Variants in CMTM7 observed in about 807,000 individuals in gnomAD.
CMTM7 encodes the protein CKLF-like MARVEL transmembrane domain-containing protein 7.
A neutral mutation model predicts 19.3 loss-of-function variants in CMTM7; 7 were observed. The observed-to-expected ratio is 0.36, with a 90% CI of 0.21 to 0.68. The LOEUF (loss-of-function observed/expected upper bound fraction) is 0.68. Among genes scored for constraint, CMTM7 ranks in the 30% least tolerant of loss-of-function variants. The pLI is 0.60. For missense variants in CMTM7, 193 were observed against 232.6 expected (o/e 0.83, Z 1.11); for synonymous variants, 87 against 99.3 (o/e 0.88, Z 0.74).
rs925882489 is a variant in CMTM7 at position 32,449,305 on chromosome 3, C to T, written c.334-149C>T. The T allele has an allele frequency of 1.6e-5, 11 of 668,824 alleles. No homozygotes were observed. Among genetic ancestry groups the T allele is most frequent in the East Asian group, 2.6e-5 (1 of 37,948 alleles). The allele number at this position is 668,824 out of a possible 1,614,324, so 41.4% of individuals were successfully genotyped here. On this transcript the variant is annotated intron_variant, in intron 2 of 4. Transcript: ENST00000334983. This position sits in a 1 kb window ranked among gnomAD's most constrained non-coding sequence, Gnocchi z 4.5. ...AGCCCGCATGTTGGCTGCCTGCGAG[C>T]GGCTCTGCTCATCCCATTTGCGTGT...
At chr3:32,406,121 T>C (rs1696087682) in intron 1 of CMTM7, among the ~76,000 whole-genome samples, 1 of 152,206 alleles carries the variant, frequency 6.6e-6, no homozygotes, top group Non-Finnish European at 1.5e-5. Context: ...GCTCTATACT[T>C]TTATTACCTA....
At chr3:32,430,462 A>C (rs1195377558) in intron 1 of CMTM7, among the ~76,000 whole-genome samples, 2 of 152,156 alleles carry the variant, frequency 1.3e-5, no homozygotes, top group Non-Finnish European at 2.9e-5. Flanking sequence ...AATTCGATTC[A>C]ACCCCAGATT....
chr3:32,437,417 T>G (rs1373070229), intron 1 of CMTM7, among the ~76,000 whole-genome samples: 1 of 152,012 alleles, frequency 6.6e-6, no homozygotes, highest in Non-Finnish European at 1.5e-5. Flanking sequence ...ACCAATATGG[T>G]GAAACCCTGT....
At chr3:32,452,246 A>G in intron 3 of CMTM7, 146 bp from the exon 4 acceptor site, 1 of 1,546,800 alleles carries the variant, frequency 6.5e-7, no homozygotes, top group Non-Finnish European at 8.7e-7. Context: ...CTGATCCAGG[A>G]TGAGGTGGTT....
Position 32,419,479 on chromosome 3 carries a change from A to C in CMTM7, c.160-22361A>C, listed in dbSNP as rs550078326. Among the ~76,000 whole-genome samples the C allele has an allele frequency of 6.6e-5, 10 of 152,334 alleles. 1 individual carries two copies. In the South Asian group the frequency reaches 2.1e-3, roughly 32 times the overall value. ...GGGGAAAGCATGCAGTATCTCATCA[A>C]GTATCATGTTAGCTGTGGGTTGGTT... On this transcript the variant is annotated intron_variant, in intron 1 of 4. Transcript: ENST00000334983.
intron 1 of CMTM7, among the ~76,000 whole-genome samples, chr3:32,423,104 T>C (rs939158609): frequency 6.6e-6 from 1 of 152,246 alleles, no homozygotes; most frequent in Non-Finnish European, 1.5e-5. Context: ...GGCTTGCTTC[T>C]GTGGCTGGGG....
intron 1 of CMTM7, among the ~76,000 whole-genome samples, chr3:32,431,325 G>A (rs912410011): frequency 2.0e-5 from 3 of 152,102 alleles, no homozygotes; most frequent in African/African-American, 4.8e-5. Context: ...TAGCATTATG[G>A]GTAATTTTTG....
chr3:32,446,130 C>T (rs1288088371), intron 2 of CMTM7, among the ~76,000 whole-genome samples: 3 of 55,132 alleles, frequency 5.4e-5, no homozygotes, highest in East Asian at 6.0e-4. Flanking sequence ...TTAGCAGTGA[C>T]ACTGGGTCTC....
intron 1 of CMTM7, among the ~76,000 whole-genome samples, chr3:32,394,436 G>C (rs1695886126): frequency 6.6e-6 from 1 of 152,136 alleles, no homozygotes; most frequent in Non-Finnish European, 1.5e-5. Context: ...ATCATGATCT[G>C]ATCAATAGAT....
chr3:32,449,319 C>G lies in CMTM7; in HGVS notation c.334-135C>G, dbSNP rs936028201. ...CTGCCTGCGAGCGGCTCTGCTCATC[C>G]CATTTGCGTGTTGCAAGGGAGAAGA... is the stretch of plus-strand genomic sequence containing the variant. On this transcript the variant is annotated intron_variant, in intron 2 of 4. Transcript: ENST00000334983. This position sits in a 1 kb window ranked among gnomAD's most constrained non-coding sequence, Gnocchi z 4.5. The G allele has an allele frequency of 8.2e-6, 6 of 730,704 alleles. No individual in the cohort carries two copies. In the Middle Eastern group the frequency reaches 1.2e-3, roughly 143 times the overall value. The allele number at this position is 730,704 out of a possible 1,614,324, so 45.3% of individuals were successfully genotyped here. A position where few individuals can be genotyped will look rare whatever the true frequency, so the allele number is the denominator to read the frequency against.
chr3:32,430,941 A>G (rs997478667), intron 1 of CMTM7, among the ~76,000 whole-genome samples: 3 of 152,200 alleles, frequency 2.0e-5, no homozygotes, highest in African/African-American at 2.4e-5. Flanking sequence ...AGGATATAAA[A>G]TTGCATTTGT....
At chr3:32,419,124 A>G (rs1696307870) in intron 1 of CMTM7, among the ~76,000 whole-genome samples, 1 of 152,154 alleles carries the variant, frequency 6.6e-6, no homozygotes, top group South Asian at 2.1e-4. Context: ...CCTAATAAAT[A>G]TTTCCCTTTT....
chr3:32,397,891 G>T (rs1377715997), intron 1 of CMTM7, among the ~76,000 whole-genome samples: 1 of 152,160 alleles, frequency 6.6e-6, no homozygotes, highest in Non-Finnish European at 1.5e-5. Flanking sequence ...ACAAGCTGAG[G>T]GGATGAACAA....
chr3:32,412,044 A>G (rs1283691223), intron 1 of CMTM7, among the ~76,000 whole-genome samples: 2 of 152,168 alleles, frequency 1.3e-5, no homozygotes, highest in Non-Finnish European at 2.9e-5. Flanking sequence ...GCTTTTTGGT[A>G]GTGGTGAAGT....
chr3:32,405,560 A>G (rs1559401948), intron 1 of CMTM7, among the ~76,000 whole-genome samples: 1 of 152,102 alleles, frequency 6.6e-6, no homozygotes, highest in African/African-American at 2.4e-5. Context: ...TAGTATTCCT[A>G]CTTTACAGAT....
intron 3 of CMTM7, 105 bp from the exon 4 acceptor site, chr3:32,452,287 G>T: frequency 1.3e-6 from 2 of 1,598,270 alleles, no homozygotes; most frequent in East Asian, 2.2e-5. Flanking sequence ...CTCCTTTCTG[G>T]CCAGAGACAT....
chr3:32,435,015 A>G (rs1195543750), intron 1 of CMTM7, among the ~76,000 whole-genome samples: 1 of 152,212 alleles, frequency 6.6e-6, no homozygotes, highest in South Asian at 2.1e-4. Flanking sequence ...GGAGACAGGT[A>G]TCTCTTTTGG....
intron 1 of CMTM7, among the ~76,000 whole-genome samples, chr3:32,430,167 G>C (rs548053024): frequency 6.6e-6 from 1 of 152,142 alleles, no homozygotes; most frequent in Non-Finnish European, 1.5e-5. Flanking sequence ...AGCCATCACT[G>C]TAATCCAATT....
intron 1 of CMTM7, among the ~76,000 whole-genome samples, chr3:32,438,254 G>C (rs1696627156): frequency 6.6e-6 from 1 of 152,166 alleles, no homozygotes; most frequent in Non-Finnish European, 1.5e-5. Flanking sequence ...CTATTGTCTT[G>C]TTCTTTCTTC....
Sources: gnomAD v4.1 joint callset for allele counts (sites outside exome capture counted in the v4.1 genomes callset) on GRCh38, gnomAD v4.1.1 for gene constraint, Gnocchi (gnomAD v3.1) non-coding constraint, MANE v1.5 for transcripts, NCBI Gene and HGNC (gene_info 2026-07-23, HGNC 2026-07-21) for gene names.